VAC14: variants seen among roughly 807,000 people sequenced by gnomAD.
VAC14 encodes VAC14 component of PIKFYVE complex, also known as protein VAC14 homolog.
In VAC14, 47 loss-of-function variants were observed where a neutral mutation model predicts 85.3. That is an observed-to-expected ratio of 0.55 (90% CI 0.44 to 0.70). VAC14 has a LOEUF of 0.70. Ranked by LOEUF, VAC14 falls within the 30% of genes least tolerant of loss-of-function variation. VAC14 has a pLI of 0.00. For synonymous variants in VAC14, 447 were observed against 430.5 expected, an observed-to-expected ratio of 1.04 and a Z score of -0.47; for missense variants, 861 against 1,004.3, an observed-to-expected ratio of 0.86 and a Z score of 1.93.
At chr16:70,709,768 A>G (rs963108741) in intron 14 of VAC14, among the ~76,000 whole-genome samples, 6 of 152,126 alleles carry the variant, frequency 3.9e-5, no homozygotes, top group African/African-American at 1.4e-4. Context: ...CAGGCTGGGG[A>G]GATTTTAATA....
At chr16:70,761,164 G>A (rs756222450) in intron 12 of VAC14, 1 of 455,742 alleles carries the variant, frequency 2.2e-6, no homozygotes, top group Non-Finnish European at 4.4e-6. Flanking sequence ...CCAGGTTCGG[G>A]AAAGCAAATT....
chr16:70,740,602 C>T (rs530494796), intron 13 of VAC14, among the ~76,000 whole-genome samples: 2 of 152,304 alleles, frequency 1.3e-5, no homozygotes, highest in South Asian at 2.1e-4. Context: ...GCAGGACCTC[C>T]GCAGACTCCC....
At chr16:70,735,513 G>A (rs1009369352) in intron 13 of VAC14, among the ~76,000 whole-genome samples, 14 of 152,226 alleles carry the variant, frequency 9.2e-5, no homozygotes, top group African/African-American at 2.9e-4. Flanking sequence ...CAGGAGCTCC[G>A]TCTTTCTTGC....
rs1191091359 is a variant in VAC14, at chr16:70,744,448, G to A, written c.1503C>T (p.Gly501=). The change falls in exon 13 of 19, where the codon GGC becomes GGT. Residue 501 remains glycine, a synonymous_variant. Coordinates refer to ENST00000261776, the MANE Select transcript of VAC14 (RefSeq NM_018052.5). The stretch of plus-strand genomic sequence containing the variant: ...CAGAGGTGTTCAGTAGGCCGGCTCT[G>A]CCAGGGGTGGGCACCTGGAGCTCTG... ...SHSELQVPTP[G]RAGLLNTSGT... 6.2e-7 allele frequency: 1 copy of A among 1,613,986 alleles called. No individual in the cohort carries two copies. Among genetic ancestry groups the A allele is most frequent in the African/African-American group, 1.3e-5 (1 of 74,934 alleles).
chr16:70,784,796 G>C lies in VAC14; in HGVS notation c.466C>G (p.Leu156Val). Reference protein sequence around the residue: ...PDPNVKSGSELLDRLLKDIVT... With the variant: ...PDPNVKSGSEVLDRLLKDIVT... ...AATACCTTTAAAAGGCGGTCTAGGA[G>C]CTCAGATCCGCTTTTCACATTGGGG... The change falls in exon 4 of 19, where the codon CTC becomes GTC. Residue 156 changes from leucine to valine, a missense_variant. Leu to Val is a conservative substitution (Grantham distance 32, BLOSUM62 1). Around this residue, in one of 3 missense-constraint regions of VAC14, gnomAD observed 629 missense variants for 703.1 expected, o/e 0.89. Transcript: ENST00000261776. The C allele has an allele frequency of 6.2e-7, 1 of 1,614,138 alleles. No individual in the cohort carries two copies. The highest frequency in any genetic ancestry group is 8.5e-7 in the Non-Finnish European group (1 of 1,180,024).
chr16:70,689,393 G>A, intron 18 of VAC14: 1 of 985,322 alleles, frequency 1.0e-6, no homozygotes. Flanking sequence ...AGACAAAAAG[G>A]AGCTCCCCCA....
chr16:70,692,717 T>C, intron 18 of VAC14, 104 bp downstream of exon 18: 1 of 1,464,760 alleles, frequency 6.8e-7, no homozygotes, highest in South Asian at 1.3e-5. Context: ...GATGCTGAAG[T>C]GAGGGAGGCC....
rs2053518371 is a variant in VAC14, at chr16:70,687,609, G to T, written c.*319C>A. On this transcript the variant is annotated 3_prime_UTR_variant, in exon 19 of 19. Transcript: ENST00000261776. ...GCCAGAGCTCTAGTGTGCTGGAGGAGGGGCAAGCTCTTTTTCCAAGAGGGT... is the reference window on the plus strand; with the variant it reads ...GCCAGAGCTCTAGTGTGCTGGAGGATGGGCAAGCTCTTTTTCCAAGAGGGT... 4 of 256,652 alleles carry T rather than the reference G, an allele frequency of 1.6e-5. No homozygotes were observed. The highest frequency in any genetic ancestry group is 2.2e-5 in the Non-Finnish European group (3 of 135,594). 15.9% of individuals were successfully genotyped at this position (256,652 alleles called of 1,614,324 possible).
intron 14 of VAC14, among the ~76,000 whole-genome samples, chr16:70,723,541 T>C (rs1190580136): frequency 6.6e-6 from 1 of 152,232 alleles, no homozygotes; most frequent in Non-Finnish European, 1.5e-5. Context: ...GAGTGACCAA[T>C]GTCAAATCTT....
chr16:70,792,350 T>C lies in VAC14; in HGVS notation c.105-5985A>G, dbSNP rs182450117. 3.8e-3 allele frequency among the ~76,000 whole-genome samples: 580 copies of C among 152,314 alleles called. 4 individuals are homozygous for C. The highest frequency in any genetic ancestry group is 0.027 in the Middle Eastern group (8 of 294). On this transcript the variant is annotated intron_variant, in intron 1 of 18. Transcript: ENST00000261776. ...TCTGAGGCTGAACTAGTTTTGAAGT[T>C]AGTATCTGGCCCAGAAACTCTCACG... is the stretch of plus-strand genomic sequence containing the variant.
At chr16:70,757,489 C>T (rs550186738) in intron 12 of VAC14, among the ~76,000 whole-genome samples, 5 of 152,298 alleles carry the variant, frequency 3.3e-5, no homozygotes, top group East Asian at 1.9e-4. Context: ...GAAGGGAAGA[C>T]GGGAGGGGAG....
intron 1 of VAC14, among the ~76,000 whole-genome samples, chr16:70,795,354 C>A (rs1376210204): frequency 6.6e-6 from 1 of 151,822 alleles, no homozygotes; most frequent in Non-Finnish European, 1.5e-5. Flanking sequence ...ATTAGCCGGG[C>A]GTTGTGGTGG....
At chr16:70,691,261 C>G (rs576875187) in intron 18 of VAC14, 2 of 985,404 alleles carry the variant, frequency 2.0e-6, no homozygotes, top group Admixed American at 6.1e-5. Context: ...TGGGCTGGCT[C>G]CCTGGCCAGG....
At chr16:70,709,730 G>C (rs1427742762) in intron 14 of VAC14, among the ~76,000 whole-genome samples, 1 of 152,216 alleles carries the variant, frequency 6.6e-6, no homozygotes, top group Non-Finnish European at 1.5e-5. Context: ...CCTGAGTATG[G>C]GAGTCAGGCC....
At chr16:70,789,742 C>T (rs979319288) in intron 1 of VAC14, among the ~76,000 whole-genome samples, 1 of 152,188 alleles carries the variant, frequency 6.6e-6, no homozygotes, top group African/African-American at 2.4e-5. Context: ...AGATCTAGAA[C>T]CTGGTCTCCT....
chr16:70,689,789 T>C, intron 18 of VAC14: 1 of 985,510 alleles, frequency 1.0e-6, no homozygotes. Context: ...TTCTAGGCTG[T>C]GGTTGCTACT....
chr16:70,700,722 C>T (rs1156478003), intron 14 of VAC14, among the ~76,000 whole-genome samples: 1 of 152,228 alleles, frequency 6.6e-6, no homozygotes, highest in Non-Finnish European at 1.5e-5. Flanking sequence ...GTCCCCCAAC[C>T]CCTCCATGAG....
At chr16:70,692,545 T>A (rs897899504) in intron 18 of VAC14, among the ~76,000 whole-genome samples, 1 of 152,168 alleles carries the variant, frequency 6.6e-6, no homozygotes, top group African/African-American at 2.4e-5. Flanking sequence ...AGATTTTGCA[T>A]AGCCTCACTG....
chr16:70,718,620 C>T (rs2054219304), intron 14 of VAC14, among the ~76,000 whole-genome samples: 1 of 151,904 alleles, frequency 6.6e-6, no homozygotes, highest in South Asian at 2.1e-4. Context: ...CTTGGGAAGG[C>T]AGCCACATGG....
Sources: gnomAD v4.1 joint callset for allele counts (sites outside exome capture counted in the v4.1 genomes callset) on GRCh38, gnomAD v4.1.1 for gene constraint, gnomAD v4.1.1 regional missense constraint, MANE v1.5 for transcripts, NCBI Gene and HGNC (gene_info 2026-07-23, HGNC 2026-07-21) for gene names.